Variants in PLCB1 observed in about 807,000 individuals in gnomAD.
The protein encoded by PLCB1 is phospholipase C beta 1, also known as 1-phosphatidylinositol 4,5-bisphosphate phosphodiesterase beta-1.
PLCB1 carries 46 observed loss-of-function variants against 161.8 expected under a neutral mutation model. That is an observed-to-expected ratio of 0.28 (90% CI 0.22 to 0.36). PLCB1 has a LOEUF of 0.36. Among genes scored for constraint, PLCB1 ranks in the 10% least tolerant of loss-of-function variants. The pLI, the probability that PLCB1 is intolerant of heterozygous loss-of-function variation, is 1.00. For synonymous variants in PLCB1, 517 were observed against 503.7 expected, an observed-to-expected ratio of 1.03 and a Z score of -0.35; for missense variants, 1,016 against 1,472.5, an observed-to-expected ratio of 0.69 and a Z score of 5.07.
intron 10 of PLCB1, among the ~76,000 whole-genome samples, chr20:8,694,801 C>G (rs1222337643): frequency 1.3e-5 from 2 of 152,132 alleles, no homozygotes; most frequent in Non-Finnish European, 2.9e-5. Context: ...CTAAACAGTA[C>G]ACACAAAAAT....
intron 31 of PLCB1, chr20:8,792,617 T>G (rs1197543413): frequency 4.2e-6 from 2 of 471,256 alleles, no homozygotes; most frequent in Admixed American, 4.7e-5. Flanking sequence ...GTGCTTTTCT[T>G]CCATGAGGTT....
chr20:8,267,024 C>T (rs1042882889), intron 2 of PLCB1, among the ~76,000 whole-genome samples: 7 of 144,026 alleles, frequency 4.9e-5, no homozygotes, highest in East Asian at 2.0e-4. Flanking sequence ...GCAACGAGAG[C>T]GAGACTTCGT....
chr20:8,208,711 A>C (rs571177159), intron 2 of PLCB1, among the ~76,000 whole-genome samples: 1 of 152,234 alleles, frequency 6.6e-6, no homozygotes, highest in Admixed American at 6.6e-5. Context: ...CACATACACA[A>C]ACATAAGAAA....
chr20:8,453,037 C>G (rs900174977), intron 3 of PLCB1, among the ~76,000 whole-genome samples: 1 of 152,208 alleles, frequency 6.6e-6, no homozygotes, highest in Non-Finnish European at 1.5e-5. Flanking sequence ...TTGAACCCTG[C>G]CTGACTTTGC....
intron 9 of PLCB1, among the ~76,000 whole-genome samples, chr20:8,671,547 C>T (rs572266306): frequency 2.4e-4 from 37 of 152,304 alleles, no homozygotes; most frequent in African/African-American, 7.5e-4. Context: ...CTAATCCTCA[C>T]GCCTCTGCCA....
intron 1 of PLCB1, among the ~76,000 whole-genome samples, chr20:8,139,196 C>T (rs1292331525): frequency 2.1e-5 from 3 of 146,090 alleles, no homozygotes; most frequent in South Asian, 2.2e-4. Flanking sequence ...AAGCTATTCT[C>T]GTGCCTCAGC....
At chr20:8,502,912 C>T (rs1332752360) in intron 3 of PLCB1, among the ~76,000 whole-genome samples, 1 of 152,076 alleles carries the variant, frequency 6.6e-6, no homozygotes, top group Non-Finnish European at 1.5e-5. Flanking sequence ...AATACATAAG[C>T]CCAGTACAGA....
At chr20:8,626,298 C>T (rs192545388) in intron 3 of PLCB1, among the ~76,000 whole-genome samples, 4 of 152,114 alleles carry the variant, frequency 2.6e-5, no homozygotes, top group Admixed American at 2.0e-4. Context: ...CCCAGAAGCT[C>T]TTTTCCAGAA....
chr20:8,370,065 G>A (rs562140198), intron 2 of PLCB1, among the ~76,000 whole-genome samples: 1 of 152,318 alleles, frequency 6.6e-6, no homozygotes, highest in South Asian at 2.1e-4. Context: ...GGTTCTATTG[G>A]CAGCTGAATT....
intron 31 of PLCB1, among the ~76,000 whole-genome samples, chr20:8,837,584 T>C (rs1568619354): frequency 6.6e-6 from 1 of 152,228 alleles, no homozygotes. Context: ...TTGGAAATGC[T>C]GAACTTCCCT....
At chr20:8,138,692 A>T (rs112028126) in intron 1 of PLCB1, among the ~76,000 whole-genome samples, 8 of 152,214 alleles carry the variant, frequency 5.3e-5, no homozygotes, top group African/African-American at 1.9e-4. Flanking sequence ...ATGACCATAA[A>T]AAAGCCATTG....
chr20:8,583,840 A>T (rs900037985), intron 3 of PLCB1, among the ~76,000 whole-genome samples: 1 of 152,202 alleles, frequency 6.6e-6, no homozygotes, highest in Non-Finnish European at 1.5e-5. Context: ...CATGTGGAGC[A>T]GCGGTTTACA....
chr20:8,457,313 T>C (rs544326859), intron 3 of PLCB1, among the ~76,000 whole-genome samples: 2 of 152,288 alleles, frequency 1.3e-5, no homozygotes, highest in East Asian at 3.9e-4. Context: ...CATCATTCAT[T>C]ATTGTTATTC....
intron 2 of PLCB1, among the ~76,000 whole-genome samples, chr20:8,289,772 A>T (rs1208236959): frequency 5.2e-4 from 79 of 152,142 alleles, no homozygotes; most frequent in Non-Finnish European, 4.4e-5. Flanking sequence ...AACGAGCATG[A>T]CTCAATGGGA....
chr20:8,558,895 C>A (rs899218104), intron 3 of PLCB1, among the ~76,000 whole-genome samples: 1 of 151,720 alleles, frequency 6.6e-6, no homozygotes, highest in South Asian at 2.1e-4. Context: ...CAGATAAAAG[C>A]TGATAGAGTT....
chr20:8,750,985 G>A, intron 23 of PLCB1: 1 of 507,060 alleles, frequency 2.0e-6, no homozygotes, highest in East Asian at 8.0e-5. Context: ...GCCCAGGCTG[G>A]AGTGCAGAGG....
intron 4 of PLCB1, among the ~76,000 whole-genome samples, chr20:8,642,486 G>A (rs1988987097): frequency 6.6e-6 from 1 of 152,162 alleles, no homozygotes; most frequent in African/African-American, 2.4e-5. Context: ...ATCACACAAT[G>A]TTCCTCCTTA....
chr20:8,713,087 C>T (rs569580973), intron 12 of PLCB1, among the ~76,000 whole-genome samples: 112 of 152,202 alleles, frequency 7.4e-4, no homozygotes, highest in Non-Finnish European at 1.2e-3. Context: ...TTATTGAGAA[C>T]ATGAATAGCC....
intron 3 of PLCB1, among the ~76,000 whole-genome samples, chr20:8,625,021 G>A (rs774116539): frequency 6.6e-6 from 1 of 152,094 alleles, no homozygotes; most frequent in African/African-American, 2.4e-5. Flanking sequence ...AAAGCTCCTT[G>A]GTAGAATAGG....
Sources: gnomAD v4.1 joint callset for allele counts (sites outside exome capture counted in the v4.1 genomes callset) on GRCh38, gnomAD v4.1.1 for gene constraint, MANE v1.5 for transcripts, NCBI Gene and HGNC (gene_info 2026-07-23, HGNC 2026-07-21) for gene names.